CNBD2: variants seen among roughly 807,000 people sequenced by gnomAD.
CNBD2 encodes the protein cyclic nucleotide binding domain containing 2, also known as cyclic nucleotide-binding domain-containing protein 2.
CNBD2 carries 64 observed loss-of-function variants against 63.7 expected under a neutral mutation model. The ratio of observed to expected loss-of-function variants is 1.00; its 90% confidence interval spans 0.82 to 1.24. CNBD2 has a LOEUF of 1.24. Ranked by LOEUF, CNBD2 falls within the 50% of genes most tolerant of loss-of-function variation. The pLI is 0.00. For missense variants in CNBD2, 691 were observed against 713.5 expected (o/e 0.97, Z 0.36); for synonymous variants, 229 against 255.4 (o/e 0.90, Z 0.99).
At position 35,968,751 on chromosome 20, in the gene CNBD2, T is replaced by C. The variant is rs1274755017; in HGVS notation, c.-12T>C. ...AAAGGGGCTAGTTGTGCCATTTGCCTGCACAGGAACCATGAGGAGACATAT... is the reference window on the plus strand; with the variant it reads ...AAAGGGGCTAGTTGTGCCATTTGCCCGCACAGGAACCATGAGGAGACATAT... On this transcript the variant is annotated 5_prime_UTR_variant, in exon 1 of 12. Transcript: ENST00000373973. 1.2e-6 allele frequency: 2 copies of C among 1,605,874 alleles called. No individual in the cohort carries two copies. Among genetic ancestry groups the C allele is most frequent in the Non-Finnish European group, 1.7e-6 (2 of 1,176,762 alleles).
intron 8 of CNBD2, among the ~76,000 whole-genome samples, chr20:36,001,758 G>A (rs1412096890): frequency 1.3e-4 from 19 of 151,704 alleles, no homozygotes; most frequent in Non-Finnish European, 1.6e-4. Flanking sequence ...CATCCCAGAC[G>A]GGGTGGCGGG....
At chr20:35,965,393 G>A (rs540472477), upstream of CNBD2, among the ~76,000 whole-genome samples, 1 of 152,206 alleles carries the variant, frequency 6.6e-6, no homozygotes, top group South Asian at 2.1e-4. Context: ...GGACGAGCTG[G>A]CCTTGAGCTC....
rs571211189 is a variant in CNBD2, at chr20:36,017,995, T to C, written c.1270-5607T>C. ...AGTGGTCTTATTTTTTAGAACAGTT[T>C]TTAGATTTACAGAAAAATTGAGAAG... On this transcript the variant is annotated intron_variant, in intron 10 of 11. Transcript: ENST00000373973. Among the ~76,000 whole-genome samples, 252 of 152,344 alleles carry C rather than the reference T, an allele frequency of 1.7e-3. 1 individual carries two copies. Among genetic ancestry groups the C allele is most frequent in the African/African-American group, 5.8e-3 (242 of 41,574 alleles).
chr20:35,967,834 A>G (rs2056359303), upstream of CNBD2, among the ~76,000 whole-genome samples: 1 of 152,164 alleles, frequency 6.6e-6, no homozygotes, highest in Non-Finnish European at 1.5e-5. Flanking sequence ...TCCTGGGAAC[A>G]AAGTGAGACA....
At position 35,976,795 on chromosome 20, in the gene CNBD2, A is replaced by C. The variant is rs138696581; in HGVS notation, c.243+793A>C. ...TAGGGAACATCTGAAATTCTCACCA[A>C]TGCAGACCTGACTTGATCCTGGCTT... On this transcript the variant is annotated intron_variant, in intron 3 of 11. Coordinates refer to ENST00000373973, the MANE Select transcript of CNBD2 (RefSeq NM_001365709.1). Among the ~76,000 whole-genome samples the C allele has an allele frequency of 5.8e-3, 878 of 152,310 alleles. 6 individuals carry two copies. The highest frequency in any genetic ancestry group is 0.02 in the African/African-American group (826 of 41,568).
chr20:36,011,394 T>A (rs2057058978), intron 10 of CNBD2, 137 bp downstream of exon 10: 4 of 1,180,894 alleles, frequency 3.4e-6, no homozygotes, highest in Admixed American at 6.9e-5. Flanking sequence ...TGTAAAGATG[T>A]GATAAGAATA....
chr20:35,981,243 T>C (rs1601032217), intron 4 of CNBD2, among the ~76,000 whole-genome samples: 1 of 152,146 alleles, frequency 6.6e-6, no homozygotes, highest in Non-Finnish European at 1.5e-5. Flanking sequence ...TGGGTCCCCC[T>C]TTCCCCTTCC....
At chr20:35,998,040 C>CTTTTTTTTTTTTTTTTTTTTT (rs1046661526) in intron 8 of CNBD2, among the ~76,000 whole-genome samples, 5 of 127,116 alleles carry the variant, frequency 3.9e-5, no homozygotes, top group Non-Finnish European at 8.3e-5. Flanking sequence ...TTTTCTTTTT[C>CTTTTTTTTTTTTTTTTTTTTT]TTTTTTTTTT....
chr20:36,022,202 T>C (rs933636388), intron 10 of CNBD2, among the ~76,000 whole-genome samples: 28 of 122,112 alleles, frequency 2.3e-4, no homozygotes, highest in East Asian at 2.1e-3. Flanking sequence ...TTTCTTTTTT[T>C]TTTTTTTTTT....
At chr20:35,957,161 T>C (rs1027284993), downstream of CNBD2, among the ~76,000 whole-genome samples, 2 of 152,160 alleles carry the variant, frequency 1.3e-5, no homozygotes, top group African/African-American at 4.8e-5. Flanking sequence ...TCTATTAGAA[T>C]CATTGAATGT....
intron 1 of CNBD2, among the ~76,000 whole-genome samples, chr20:35,972,094 T>C (rs1346164631): frequency 6.6e-6 from 1 of 152,232 alleles, no homozygotes. Flanking sequence ...ATGGATGTTC[T>C]TGTTCTAAAA....
chr20:35,956,435 G>A (rs1372529274), downstream of CNBD2, among the ~76,000 whole-genome samples: 2 of 152,152 alleles, frequency 1.3e-5, no homozygotes, highest in African/African-American at 2.4e-5. Context: ...GAGTAGAGAC[G>A]ACTTCCTTTA....
upstream of CNBD2, among the ~76,000 whole-genome samples, chr20:35,965,941 G>T (rs984595313): frequency 2.6e-5 from 4 of 152,110 alleles, no homozygotes; most frequent in Admixed American, 2.6e-4. Flanking sequence ...GTCTCATCAG[G>T]TCGTACTGGC....
At position 35,976,000 on chromosome 20, in the gene CNBD2, G is replaced by A. The variant is rs1427988427; in HGVS notation, c.241G>A (p.Glu81Lys). Residue 81 changes from glutamate to lysine, a missense_variant and splice_region_variant, in exon 3 of 12, where the codon GAG becomes AAG. By Grantham distance (56) the Glu-to-Lys change is moderately conservative. Coordinates refer to ENST00000373973, the MANE Select transcript of CNBD2 (RefSeq NM_001365709.1). ...TFDTMDFIAE[E>K]GHFPPKAIQI... ...TGATACCATGGACTTCATTGCAGAG[G>A]AGGTATGCATAGCTCGAAACTTGCT... 6.2e-7 allele frequency: 1 copy of A among 1,612,290 alleles called. No homozygotes were observed.
chr20:36,030,533 AGAC>A lies in CNBD2; in HGVS notation c.1620_1622del (p.Thr541del). 6.2e-7 allele frequency: 1 copy of A among 1,614,210 alleles called. No homozygotes were observed. Among genetic ancestry groups the A allele is most frequent in the Non-Finnish European group, 8.5e-7 (1 of 1,180,046 alleles). On this transcript the variant is annotated inframe_deletion, in exon 12 of 12. Transcript: ENST00000373973. ...GTCCTGGATTTGTGCAGCATCAACAAGACGACTAAACCTCGTTATCCTATTTTT... is the reference window on the plus strand; with the variant it reads ...GTCCTGGATTTGTGCAGCATCAACAAGACTAAACCTCGTTATCCTATTTTT...
In CNBD2 at chr20:36,022,325, A is replaced by C. The variant is rs980948548; in HGVS notation, c.1270-1277A>C. On this transcript the variant is annotated intron_variant, in intron 10 of 11. Transcript: ENST00000373973. The stretch of plus-strand genomic sequence containing the variant: ...GCAATTCTCCTGCCTTAGCCTCCCA[A>C]GTAGCCGGAACTACAGGCACGTGCC... Among the ~76,000 whole-genome samples the C allele has an allele frequency of 3.4e-5, 5 of 148,804 alleles. No homozygotes were observed. The Middle Eastern group carries it at 0.014, about 422-fold the overall frequency.
chr20:36,025,342 C>G (rs1398291030), intron 11 of CNBD2, among the ~76,000 whole-genome samples: 1 of 151,726 alleles, frequency 6.6e-6, no homozygotes, highest in Non-Finnish European at 1.5e-5. Flanking sequence ...TTTTTATTTA[C>G]TTATTTTTTT....
chr20:35,972,759 T>G lies in CNBD2; in HGVS notation c.182T>G (p.Phe61Cys). Residue 61 changes from phenylalanine to cysteine, a missense_variant, in exon 2 of 12, where the codon TTC becomes TGC. Transcript: ENST00000373973. ...TAHWKHPIFS[F>C]WDKKMQSRVT... Reference sequence around the variant, plus strand: ...CACTGGAAGCACCCTATCTTCTCCTTCTGGGATGTAAGCAGTTGGGCTCAG... The same window carrying G: ...CACTGGAAGCACCCTATCTTCTCCTGCTGGGATGTAAGCAGTTGGGCTCAG... 6.2e-7 allele frequency: 1 copy of G among 1,614,126 alleles called. No individual in the cohort carries two copies. Among genetic ancestry groups the G allele is most frequent in the Non-Finnish European group, 8.5e-7 (1 of 1,180,012 alleles).
At chr20:36,002,081 C>G (rs528325069) in intron 8 of CNBD2, among the ~76,000 whole-genome samples, 1 of 152,230 alleles carries the variant, frequency 6.6e-6, no homozygotes, top group Non-Finnish European at 1.5e-5. Context: ...GCTGAGATCA[C>G]GCCACTGCAC....
Sources: allele counts gnomAD v4.1 joint callset (sites outside exome capture counted in the v4.1 genomes callset), GRCh38; gene constraint gnomAD v4.1.1; transcripts MANE v1.5; gene names NCBI Gene and HGNC (gene_info 2026-07-23, HGNC 2026-07-21).